SLC38A12: variants seen among roughly 807,000 people sequenced by gnomAD.
SLC38A12 encodes putative sodium-coupled neutral amino acid transporter 12.
At chr17:74,802,682 A>G in the SLC38A12 span, among the ~76,000 whole-genome samples, 1 of 152,196 alleles carries the variant, frequency 6.6e-6, no homozygotes, top group African/African-American at 2.4e-5. Context: ...AAATTCAAAA[A>G]TCCAAAATAT....
At chr17:74,795,917 T>A in the SLC38A12 span, among the ~76,000 whole-genome samples, 1 of 152,128 alleles carries the variant, frequency 6.6e-6, no homozygotes, top group Non-Finnish European at 1.5e-5. Flanking sequence ...TAAACTTAGC[T>A]CAGATTCTAG....
the SLC38A12 span, among the ~76,000 whole-genome samples, chr17:74,819,588 C>T: frequency 3.3e-5 from 5 of 152,220 alleles, no homozygotes; most frequent in Non-Finnish European, 1.5e-5. Flanking sequence ...GGCACTGGCA[C>T]TTACCCAAGG....
the SLC38A12 span, chr17:74,785,435 G>T: frequency 6.3e-7 from 1 of 1,594,090 alleles, no homozygotes; most frequent in Non-Finnish European, 8.6e-7. Context: ...GTTAAGGGGA[G>T]AAGTTGATTA....
the SLC38A12 span, chr17:74,795,130 C>T: frequency 4.1e-5 from 66 of 1,609,122 alleles, no homozygotes; most frequent in South Asian, 1.4e-4. Flanking sequence ...CCTCCTGGCC[C>T]CCAGGTTGGC....
the SLC38A12 span, among the ~76,000 whole-genome samples, chr17:74,814,880 C>T: frequency 6.6e-6 from 1 of 152,182 alleles, no homozygotes; most frequent in African/African-American, 2.4e-5. Context: ...GAGAAAGCAG[C>T]GGTTCAGAGC....
chr17:74,791,257 C>T, the SLC38A12 span, among the ~76,000 whole-genome samples: 4 of 152,296 alleles, frequency 2.6e-5, no homozygotes, highest in African/African-American at 9.6e-5. Context: ...GCTTCTCTAG[C>T]GGAAGTCAGG....
the SLC38A12 span, chr17:74,838,527 A>G: frequency 3.7e-6 from 4 of 1,072,294 alleles, no homozygotes; most frequent in Non-Finnish European, 4.5e-6. Context: ...AGGTTGATTT[A>G]TGTGACAGTC....
the SLC38A12 span, among the ~76,000 whole-genome samples, chr17:74,823,197 G>A: frequency 6.6e-6 from 1 of 152,286 alleles, no homozygotes; most frequent in African/African-American, 2.4e-5. Flanking sequence ...ATAACCAAGT[G>A]GGGAGCTCGG....
At chr17:74,808,866 G>GT in the SLC38A12 span, among the ~76,000 whole-genome samples, 2 of 152,196 alleles carry the variant, frequency 1.3e-5, no homozygotes, top group Admixed American at 1.3e-4. Context: ...TGCATGGACA[G>GT]TTTTCTGGCA....
the SLC38A12 span, among the ~76,000 whole-genome samples, chr17:74,787,955 A>G: frequency 1.3e-5 from 2 of 151,940 alleles, no homozygotes; most frequent in Non-Finnish European, 2.9e-5. Flanking sequence ...CACCATGCCC[A>G]GCTAATTTTT....
the SLC38A12 span, among the ~76,000 whole-genome samples, chr17:74,789,722 G>A: frequency 4.0e-5 from 6 of 151,598 alleles, no homozygotes; most frequent in South Asian, 2.1e-4. Context: ...GCAAGTGCCT[G>A]TAATCTCAGC....
chr17:74,783,982 C>G, the SLC38A12 span, among the ~76,000 whole-genome samples: 1 of 151,598 alleles, frequency 6.6e-6, no homozygotes, highest in Non-Finnish European at 1.5e-5. Context: ...CCACCTCAGC[C>G]TCCCAAAGTG....
At chr17:74,801,189 C>T in the SLC38A12 span, among the ~76,000 whole-genome samples, 5 of 152,230 alleles carry the variant, frequency 3.3e-5, no homozygotes, top group Non-Finnish European at 5.9e-5. Flanking sequence ...TTCTCCCTCC[C>T]AACGCACCTC....
At chr17:74,804,179 G>A in the SLC38A12 span, among the ~76,000 whole-genome samples, 1 of 152,370 alleles carries the variant, frequency 6.6e-6, no homozygotes, top group South Asian at 2.1e-4. Flanking sequence ...CTGTTACAGG[G>A]TGTGTATCAT....
At chr17:74,830,726 C>G in the SLC38A12 span, among the ~76,000 whole-genome samples, 1 of 152,230 alleles carries the variant, frequency 6.6e-6, no homozygotes, top group Non-Finnish European at 1.5e-5. Context: ...CCTTCTCTGA[C>G]TGGCCTCTGG....
At chr17:74,830,443 C>G in the SLC38A12 span, among the ~76,000 whole-genome samples, 1 of 152,228 alleles carries the variant, frequency 6.6e-6, no homozygotes, top group Non-Finnish European at 1.5e-5. Flanking sequence ...GCAGGGACTT[C>G]TTATCTGGCT....
the SLC38A12 span, chr17:74,836,084 C>T: frequency 1.5e-5 from 24 of 1,613,834 alleles, no homozygotes; most frequent in South Asian, 1.8e-4. The surrounding 1 kb of genome is among the most constrained non-coding windows in gnomAD (Gnocchi z 4.2). Flanking sequence ...TCATTACCCC[C>T]GTCTCCTCCA....
chr17:74,825,606 T>G, the SLC38A12 span, among the ~76,000 whole-genome samples: 2 of 152,204 alleles, frequency 1.3e-5, no homozygotes, highest in African/African-American at 4.8e-5. Flanking sequence ...TAGCAGCCTT[T>G]GTTATCAGCT....
the SLC38A12 span, among the ~76,000 whole-genome samples, chr17:74,800,784 C>T: frequency 1.2e-4 from 16 of 133,466 alleles, no homozygotes; most frequent in African/African-American, 4.8e-4. Context: ...ATGCAGCGTC[C>T]AGCCCGGGAT....
Sources: allele counts gnomAD v4.1 joint callset (sites outside exome capture counted in the v4.1 genomes callset), GRCh38; gene constraint gnomAD v4.1.1; non-coding constraint Gnocchi (gnomAD v3.1); transcripts MANE v1.5; gene names NCBI Gene and HGNC (gene_info 2026-07-23, HGNC 2026-07-21).